The following ASB15 variants were observed in gnomAD, a reference collection of about 807,000 sequenced individuals.
The protein encoded by ASB15 is ankyrin repeat and SOCS box containing 15, also known as ankyrin repeat and SOCS box protein 15.
A neutral mutation model predicts 58.0 loss-of-function variants in ASB15; 54 were observed. The observed-to-expected ratio is 0.93, with a 90% CI of 0.75 to 1.17. The LOEUF (loss-of-function observed/expected upper bound fraction) is 1.17, where lower values mean the gene tolerates loss of function less well. Among genes scored for constraint, ASB15 ranks in the 50% most tolerant of loss-of-function variants. ASB15 has a pLI of 0.00. For synonymous variants in ASB15, 249 were observed against 262.4 expected (o/e 0.95, Z 0.50); for missense variants, 680 against 707.4 (o/e 0.96, Z 0.44).
Position 123,638,213 on chromosome 7 carries a change from T to C in ASB15, c.*1232T>C, listed in dbSNP as rs184725705. The C allele has an allele frequency of 2.0e-5, 3 of 152,304 alleles. No individual in the cohort carries two copies. The highest frequency in any genetic ancestry group is 7.2e-5 in the African/African-American group (3 of 41,552). 9.4% of individuals were successfully genotyped at this position (152,304 alleles called of 1,614,324 possible). On this transcript the variant is annotated 3_prime_UTR_variant, in exon 12 of 12. Transcript: ENST00000451215. The stretch of plus-strand genomic sequence containing the variant: ...TCAGAAGAGTCTTTTACAAATATAA[T>C]AGAGTTTCACTTCTCTGCTTAAGAT...
At chr7:123,616,179 C>A in intron 4 of ASB15, 42 bp from the exon 5 acceptor site, 1 of 1,425,088 alleles carries the variant, frequency 7.0e-7, no homozygotes, top group South Asian at 1.2e-5. Context: ...TGAACTATAT[C>A]ACTAGTATCT....
At chr7:123,575,795 A>C (rs805780) in intron 1 of ASB15, among the ~76,000 whole-genome samples, 37,831 of 147,528 alleles carry the variant, frequency 0.26, 5,008 homozygotes, top group East Asian at 0.4. Flanking sequence ...TGATTTTTTT[A>C]ACCTGGCAGC....
chr7:123,631,536 A>G (rs1396405804), intron 11 of ASB15, among the ~76,000 whole-genome samples: 1 of 152,130 alleles, frequency 6.6e-6, no homozygotes, highest in African/African-American at 2.4e-5. Context: ...CTTGAAAACC[A>G]CTTCTCTAAG....
At chr7:123,614,334 A>G (rs550311290) in intron 3 of ASB15, 167 bp from the exon 4 acceptor site, 67 of 546,332 alleles carry the variant, frequency 1.2e-4, no homozygotes, top group African/African-American at 1.2e-3. Flanking sequence ...AATAAAATGG[A>G]CCTCACAAGT....
At chr7:123,611,195 T>C (rs879497802) in intron 3 of ASB15, among the ~76,000 whole-genome samples, 1 of 152,114 alleles carries the variant, frequency 6.6e-6, no homozygotes, top group Non-Finnish European at 1.5e-5. Context: ...CCTTTCCTCA[T>C]GCTTCTGAGT....
In ASB15 at chr7:123,630,016, T is replaced by C. The variant is rs2116656344; in HGVS notation, c.1491T>C (p.Val497=). The C allele has an allele frequency of 6.2e-7, 1 of 1,601,734 alleles. No individual in the cohort carries two copies. Among genetic ancestry groups the C allele is most frequent in the Non-Finnish European group, 8.5e-7 (1 of 1,169,970 alleles). The stretch of plus-strand genomic sequence containing the variant: ...GGATGAAGCACTTGGTAGGCAGAGT[T>C]ACTCGTGTACTAATAGATTACATGG... ...VPWMKHLVGR[V]TRVLIDYMDY... is the part of the protein sequence containing the mutation. Residue 497 remains valine (V), a synonymous_variant, in exon 11 of 12, where the codon GTT becomes GTC. Coordinates refer to ENST00000451215, the MANE Select transcript of ASB15 (RefSeq NM_001290258.2).
At chr7:123,581,877 T>G (rs1388755185) in intron 1 of ASB15, among the ~76,000 whole-genome samples, 2 of 152,042 alleles carry the variant, frequency 1.3e-5, no homozygotes, top group Admixed American at 6.6e-5. Context: ...TTCAAAAGAC[T>G]TCTGCAAACC....
At chr7:123,576,065 T>C (rs1225557604) in intron 1 of ASB15, among the ~76,000 whole-genome samples, 2 of 151,294 alleles carry the variant, frequency 1.3e-5, no homozygotes, top group Non-Finnish European at 3.0e-5. Flanking sequence ...TATGTAAATA[T>C]ACATATAAAT....
chr7:123,575,696 G>A (rs1222739487), intron 1 of ASB15, among the ~76,000 whole-genome samples: 1 of 151,552 alleles, frequency 6.6e-6, no homozygotes, highest in Non-Finnish European at 1.5e-5. Flanking sequence ...ATATAAAATT[G>A]TTTGCTTATA....
intron 1 of ASB15, among the ~76,000 whole-genome samples, chr7:123,579,177 T>A (rs1186449688): frequency 6.6e-6 from 1 of 152,128 alleles, no homozygotes; most frequent in Non-Finnish European, 1.5e-5. Context: ...CTGTATTAAT[T>A]CACTTAGGGT....
chr7:123,610,082 T>A (rs1265513607), intron 3 of ASB15, among the ~76,000 whole-genome samples: 1 of 152,196 alleles, frequency 6.6e-6, no homozygotes, highest in Non-Finnish European at 1.5e-5. Flanking sequence ...CTGGAAGCTA[T>A]TTTTTATTTT....
intron 3 of ASB15, chr7:123,609,077 G>A (rs1400208565): frequency 6.6e-6 from 1 of 151,318 alleles, no homozygotes; most frequent in East Asian, 1.9e-4. Context: ...CTCAACACTC[G>A]AGAATCATTG....
intron 1 of ASB15, among the ~76,000 whole-genome samples, chr7:123,584,308 CAAAAA>C (rs59126257): frequency 1.3e-4 from 13 of 99,530 alleles, no homozygotes; most frequent in African/African-American, 3.5e-4. Flanking sequence ...AAGGCCTTGT[CAAAAA>C]AAAAAAAAAA....
At position 123,578,783 on chromosome 7, in the gene ASB15, T is replaced by C. The variant is rs576056145; in HGVS notation, c.-443+11695T>C. Among the ~76,000 whole-genome samples the C allele has an allele frequency of 4.6e-5, 7 of 152,298 alleles. No homozygotes were observed. The East Asian group carries it at 1.2e-3, about 25-fold the overall frequency. The stretch of plus-strand genomic sequence containing the variant: ...TTATAGATTCAGGCTACTGAATCAT[T>C]GCTATCTTTAAACTATTTTATAAAG... On this transcript the variant is annotated intron_variant, in intron 1 of 13. Transcript: ENST00000451558.
At chr7:123,584,738 C>G (rs1047566741) in intron 1 of ASB15, 1 of 151,662 alleles carries the variant, frequency 6.6e-6, no homozygotes, top group Admixed American at 6.6e-5. Context: ...ATTCTATTCA[C>G]GAAGAAATAA....
chr7:123,586,208 C>T (rs1001301337), intron 1 of ASB15, among the ~76,000 whole-genome samples: 6 of 151,778 alleles, frequency 4.0e-5, no homozygotes, highest in Admixed American at 2.6e-4. Context: ...GTGTACAAGA[C>T]GTTTTATTTC....
rs1328848048 is a variant in ASB15, at chr7:123,613,026, G to GT, written c.-2-1474dup. ...ACCACAGTGTCAGGGAACATGCTTGGTGGAGCATGGTGACTATCTCGTGTG... is the reference window on the plus strand; with the variant it reads ...ACCACAGTGTCAGGGAACATGCTTGGTTGGAGCATGGTGACTATCTCGTGTG... On this transcript the variant is annotated intron_variant, in intron 3 of 11. Coordinates refer to ENST00000451215, the MANE Select transcript of ASB15 (RefSeq NM_001290258.2). Among the ~76,000 whole-genome samples the GT allele has an allele frequency of 2.6e-5, 4 of 152,070 alleles. No individual in the cohort carries two copies. In the East Asian group the frequency reaches 7.7e-4, roughly 29 times the overall value.
intron 7 of ASB15, among the ~76,000 whole-genome samples, chr7:123,618,331 A>G (rs1163038395): frequency 6.6e-6 from 1 of 152,198 alleles, no homozygotes; most frequent in Admixed American, 6.5e-5. Context: ...AGAGAGTGAT[A>G]AGATTAACTC....
Position 123,624,752 on chromosome 7 carries a change from C to T in ASB15, c.635C>T (p.Thr212Ile). 1.9e-6 allele frequency: 3 copies of T among 1,614,008 alleles called. No individual in the cohort carries two copies. Among genetic ancestry groups the T allele is most frequent in the Non-Finnish European group, 2.5e-6 (3 of 1,179,876 alleles). The change falls in exon 8 of 12, where the codon ACA (threonine) becomes ATA (isoleucine). Residue 212 changes from threonine (T) to isoleucine (I), a missense_variant. Coordinates refer to ENST00000451215, the MANE Select transcript of ASB15 (RefSeq NM_001290258.2). ...NVHLRDGFGV[T>I]PLGVAAEYGH... ...CACCTGAGAGATGGATTTGGAGTCA[C>T]ACCACTAGGCGTCGCTGCCGAGTAT...
Sources: gnomAD v4.1 joint callset for allele counts (sites outside exome capture counted in the v4.1 genomes callset) on GRCh38, gnomAD v4.1.1 for gene constraint, MANE v1.5 for transcripts, NCBI Gene and HGNC (gene_info 2026-07-23, HGNC 2026-07-21) for gene names.